Variants in ROBO2 observed in about 807,000 individuals in gnomAD.
ROBO2 encodes the protein roundabout guidance receptor 2, also known as roundabout homolog 2.
ROBO2 carries 53 observed loss-of-function variants against 160.8 expected under a neutral mutation model. The ratio of observed to expected loss-of-function variants is 0.33; its 90% confidence interval spans 0.26 to 0.41. The LOEUF (loss-of-function observed/expected upper bound fraction) is 0.41. Among genes scored for constraint, ROBO2 ranks in the 10% least tolerant of loss-of-function variants. ROBO2 has a pLI of 1.00. For synonymous variants in ROBO2, 664 were observed against 611.7 expected, an observed-to-expected ratio of 1.09 and a Z score of -1.26; for missense variants, 1,577 against 1,722.4, an observed-to-expected ratio of 0.92 and a Z score of 1.49.
intron 2 of ROBO2, among the ~76,000 whole-genome samples, chr3:76,375,415 A>G (rs1197786271): frequency 6.6e-6 from 1 of 151,986 alleles, no homozygotes; most frequent in Non-Finnish European, 1.5e-5. Flanking sequence ...ACTTCCACGC[A>G]TGCAGTCATG....
chr3:76,750,633 C>T (rs1315652939), intron 2 of ROBO2, among the ~76,000 whole-genome samples: 1 of 152,100 alleles, frequency 6.6e-6, no homozygotes. Flanking sequence ...AAATCACAAG[C>T]ATTCCTATAC....
chr3:76,930,775 A>C (rs1183599791), intron 2 of ROBO2, among the ~76,000 whole-genome samples: 1 of 152,162 alleles, frequency 6.6e-6, no homozygotes, highest in African/African-American at 2.4e-5. Context: ...AAGCAAATTC[A>C]CCTTTCTTTC....
chr3:77,628,487 G>A (rs1206132814), intron 23 of ROBO2, among the ~76,000 whole-genome samples: 1 of 149,372 alleles, frequency 6.7e-6, no homozygotes, highest in Non-Finnish European at 1.5e-5. Context: ...TCAGCTCATT[G>A]CTCTTGTTTA....
chr3:77,285,382 A>G (rs564697682), intron 2 of ROBO2, among the ~76,000 whole-genome samples: 2 of 152,366 alleles, frequency 1.3e-5, no homozygotes, highest in African/African-American at 4.8e-5. Flanking sequence ...TCCTGCTTTC[A>G]GAGCCATAAA....
intron 2 of ROBO2, among the ~76,000 whole-genome samples, chr3:76,987,407 C>T (rs559349288): frequency 8.5e-5 from 13 of 152,144 alleles, no homozygotes; most frequent in Non-Finnish European, 1.6e-4. Flanking sequence ...GCTCCATGTG[C>T]GACTTCCCTT....
intron 2 of ROBO2, among the ~76,000 whole-genome samples, chr3:76,176,317 C>A (rs2073229495): frequency 6.6e-6 from 1 of 151,964 alleles, no homozygotes. Flanking sequence ...AGTATGGTAT[C>A]TTTTGTATTA....
At chr3:76,615,137 T>C (rs928502179) in intron 2 of ROBO2, among the ~76,000 whole-genome samples, 1 of 152,174 alleles carries the variant, frequency 6.6e-6, no homozygotes, top group African/African-American at 2.4e-5. Context: ...TTAAGTGGGA[T>C]AGTTTTTTAT....
At chr3:76,261,189 T>A (rs1177724439) in intron 2 of ROBO2, among the ~76,000 whole-genome samples, 4 of 126,988 alleles carry the variant, frequency 3.1e-5, no homozygotes, top group African/African-American at 5.4e-5. Flanking sequence ...TGTGTGTGTG[T>A]GTGTGTGTGT....
At chr3:76,843,067 G>A (rs1414854167) in intron 2 of ROBO2, among the ~76,000 whole-genome samples, 1 of 151,962 alleles carries the variant, frequency 6.6e-6, no homozygotes, top group Non-Finnish European at 1.5e-5. Context: ...AAAGGTGAGG[G>A]AGTCTTTATC....
chr3:77,593,728 G>A (rs1482549492), intron 17 of ROBO2, among the ~76,000 whole-genome samples: 2 of 152,062 alleles, frequency 1.3e-5, no homozygotes, highest in South Asian at 2.1e-4. Context: ...TTTAAAGAGC[G>A]ATCATCATAT....
chr3:76,794,532 T>C (rs1002386018), intron 2 of ROBO2, among the ~76,000 whole-genome samples: 4 of 152,038 alleles, frequency 2.6e-5, no homozygotes, highest in Non-Finnish European at 5.9e-5. Flanking sequence ...TGGGTTATTT[T>C]CATTAAAATG....
intron 2 of ROBO2, among the ~76,000 whole-genome samples, chr3:76,302,000 G>A (rs1709383337): frequency 6.6e-6 from 1 of 152,016 alleles, no homozygotes; most frequent in South Asian, 2.1e-4. Context: ...AAAATAGAAA[G>A]AGCCCATATC....
At chr3:77,170,951 A>T (rs1560157187) in intron 2 of ROBO2, among the ~76,000 whole-genome samples, 1 of 152,086 alleles carries the variant, frequency 6.6e-6, no homozygotes, top group East Asian at 1.9e-4. Flanking sequence ...AGAACAAAAA[A>T]AGTCTGTTTC....
At chr3:76,590,182 T>C (rs1407446593) in intron 2 of ROBO2, among the ~76,000 whole-genome samples, 1 of 152,148 alleles carries the variant, frequency 6.6e-6, no homozygotes, top group Non-Finnish European at 1.5e-5. Flanking sequence ...AGAGTACATT[T>C]TTACTCAAAC....
chr3:76,607,497 T>C (rs1394211618), intron 2 of ROBO2, among the ~76,000 whole-genome samples: 1 of 152,218 alleles, frequency 6.6e-6, no homozygotes, highest in African/African-American at 2.4e-5. Flanking sequence ...TAAAGGTTTA[T>C]TCTAGAGTTG....
intron 2 of ROBO2, among the ~76,000 whole-genome samples, chr3:76,145,116 A>AAG (rs75307653): frequency 3.7e-4 from 56 of 151,616 alleles, no homozygotes; most frequent in Non-Finnish European, 3.1e-4. Context: ...GAAAAAAAAA[A>AAG]CGCTTTGAAA....
intron 2 of ROBO2, among the ~76,000 whole-genome samples, chr3:76,866,003 A>G (rs1328075628): frequency 4.6e-5 from 7 of 152,108 alleles, no homozygotes; most frequent in African/African-American, 1.4e-4. Context: ...TAGGCTCCTT[A>G]TTTTAAGCCT....
chr3:77,403,129 G>A (rs77130507), intron 2 of ROBO2, among the ~76,000 whole-genome samples: 2,020 of 152,226 alleles, frequency 0.013, 45 homozygotes, highest in African/African-American at 0.044. Context: ...TGTATTTGTG[G>A]TGTACCACAT....
intron 2 of ROBO2, among the ~76,000 whole-genome samples, chr3:76,814,620 A>G (rs1466975520): frequency 6.6e-6 from 1 of 151,978 alleles, no homozygotes; most frequent in Non-Finnish European, 1.5e-5. Context: ...TCAATGAAAT[A>G]TTTATCCTGC....
Sources: gnomAD v4.1 joint callset for allele counts (sites outside exome capture counted in the v4.1 genomes callset) on GRCh38, gnomAD v4.1.1 for gene constraint, MANE v1.5 for transcripts, NCBI Gene and HGNC (gene_info 2026-07-23, HGNC 2026-07-21) for gene names.